Variants in PTPRG observed in about 807,000 individuals in gnomAD.
PTPRG encodes the protein protein tyrosine phosphatase receptor type G, also known as receptor-type tyrosine-protein phosphatase gamma.
A neutral mutation model predicts 165.3 loss-of-function variants in PTPRG; 102 were observed. That is an observed-to-expected ratio of 0.62 (90% CI 0.53 to 0.73). The LOEUF (loss-of-function observed/expected upper bound fraction) is 0.73. Among genes scored for constraint, PTPRG ranks in the 30% least tolerant of loss-of-function variants. The probability of loss-of-function intolerance (pLI) is 0.00; values close to 1 mark genes in which losing one functional copy is unlikely to be tolerated. For missense variants in PTPRG, 1,866 were observed against 1,861.4 expected (o/e 1.00, Z -0.05); for synonymous variants, 675 against 669.5 (o/e 1.01, Z -0.13).
intron 2 of PTPRG, among the ~76,000 whole-genome samples, chr3:61,768,276 G>A (rs1453230681): frequency 6.6e-6 from 1 of 151,896 alleles, no homozygotes; most frequent in Non-Finnish European, 1.5e-5. Context: ...TTTTTGGTAG[G>A]GATATTTACT....
At chr3:61,684,925 C>T (rs1278639221) in intron 1 of PTPRG, among the ~76,000 whole-genome samples, 5 of 152,242 alleles carry the variant, frequency 3.3e-5, no homozygotes, top group Middle Eastern at 3.4e-3. Context: ...TGAATCCCTT[C>T]CCTGCCATTG....
At chr3:61,830,518 C>T (rs897938173) in intron 2 of PTPRG, among the ~76,000 whole-genome samples, 27 of 147,478 alleles carry the variant, frequency 1.8e-4, no homozygotes, top group African/African-American at 6.7e-4. Context: ...ATCTTTGAAT[C>T]TTCGACTTAC....
At chr3:62,124,075 TC>T in intron 5 of PTPRG, 1 of 521,348 alleles carries the variant, frequency 1.9e-6, no homozygotes, top group Admixed American at 3.3e-5. Context: ...CTTTTTTTTT[TC>T]TTTTTAAAAA....
chr3:61,949,130 T>C (rs1479399), intron 2 of PTPRG, among the ~76,000 whole-genome samples: 51,896 of 150,910 alleles, frequency 0.34, 10,120 homozygotes, highest in African/African-American at 0.52. Context: ...CTGGTTTTCG[T>C]CACCAAGGGA....
At chr3:61,946,074 A>T (rs1336197523) in intron 2 of PTPRG, among the ~76,000 whole-genome samples, 1 of 152,176 alleles carries the variant, frequency 6.6e-6, no homozygotes, top group Non-Finnish European at 1.5e-5. Flanking sequence ...TGACTTATTG[A>T]TACAGTTACT....
At chr3:61,757,581 A>C (rs185862629) in intron 2 of PTPRG, among the ~76,000 whole-genome samples, 1 of 152,322 alleles carries the variant, frequency 6.6e-6, no homozygotes, top group Admixed American at 6.5e-5. Flanking sequence ...TAATGAACTG[A>C]TATTGACTTA....
intron 2 of PTPRG, among the ~76,000 whole-genome samples, chr3:61,885,664 CTCCT>C (rs1559669059): frequency 1.8e-4 from 7 of 37,852 alleles, no homozygotes; most frequent in Admixed American, 3.3e-4. Flanking sequence ...CTTCTCTCCT[CTCCT>C]CTCCTCTCCT....
intron 2 of PTPRG, among the ~76,000 whole-genome samples, chr3:61,833,067 TTGTGTGTGTGTGTG>T (rs113069211): frequency 1.4e-5 from 2 of 146,792 alleles, no homozygotes; most frequent in Non-Finnish European, 3.0e-5. Flanking sequence ...TAGTATTCCA[TTGTGTGTGTGTGTG>T]TGTGTGTGTG....
intron 2 of PTPRG, among the ~76,000 whole-genome samples, chr3:61,865,134 A>G (rs575276465): frequency 5.9e-5 from 9 of 152,224 alleles, no homozygotes; most frequent in African/African-American, 2.2e-4. Context: ...CCAGGAGCAA[A>G]CTGGGGAGTT....
chr3:61,682,306 C>A (rs1458999875), intron 1 of PTPRG, among the ~76,000 whole-genome samples: 1 of 152,036 alleles, frequency 6.6e-6, no homozygotes, highest in Non-Finnish European at 1.5e-5. Context: ...ATGTCTTTGT[C>A]TTAAGAAATT....
At chr3:61,677,130 A>C (rs1276250276) in intron 1 of PTPRG, among the ~76,000 whole-genome samples, 1 of 151,946 alleles carries the variant, frequency 6.6e-6, no homozygotes, top group Non-Finnish European at 1.5e-5. Flanking sequence ...CTGTAGTCCC[A>C]GCTACTCGAG....
intron 1 of PTPRG, among the ~76,000 whole-genome samples, chr3:61,708,130 G>A (rs914535351): frequency 7.3e-5 from 11 of 151,678 alleles, no homozygotes; most frequent in African/African-American, 1.9e-4. Flanking sequence ...TCCCCGGAAC[G>A]CTGTGTCACT....
Position 62,022,769 on chromosome 3 carries a change from C to T in PTPRG, c.519+19272C>T, listed in dbSNP as rs540508324. ...CTCACAACAGCTTAAGATAACAAACCTACTGCCCCTTGCATTTCAAAGGTA... is the reference window on the plus strand; with the variant it reads ...CTCACAACAGCTTAAGATAACAAACTTACTGCCCCTTGCATTTCAAAGGTA... On this transcript the variant is annotated intron_variant, in intron 4 of 29. Coordinates refer to ENST00000474889, the MANE Select transcript of PTPRG (RefSeq NM_002841.4). Among the ~76,000 whole-genome samples the T allele has an allele frequency of 2.0e-5, 3 of 152,236 alleles. No homozygotes were observed. The East Asian group carries it at 5.8e-4, about 29-fold the overall frequency.
At chr3:62,098,254 A>T (rs1217038166) in intron 5 of PTPRG, among the ~76,000 whole-genome samples, 1 of 152,210 alleles carries the variant, frequency 6.6e-6, no homozygotes, top group East Asian at 1.9e-4. Context: ...TTTGAAAAAA[A>T]ATAAAAAAAA....
chr3:62,104,294 T>A (rs1016533884), intron 5 of PTPRG, among the ~76,000 whole-genome samples: 5 of 152,202 alleles, frequency 3.3e-5, no homozygotes, highest in African/African-American at 1.2e-4. Context: ...TGGCCTTCCA[T>A]CTCATACTCC....
chr3:62,093,872 C>CT (rs1702024568), intron 5 of PTPRG, among the ~76,000 whole-genome samples: 1 of 152,152 alleles, frequency 6.6e-6, no homozygotes, highest in Non-Finnish European at 1.5e-5. Context: ...AGAAAGACAG[C>CT]TTTTTTTCCA....
intron 1 of PTPRG, among the ~76,000 whole-genome samples, chr3:61,595,100 T>C (rs1700665929): frequency 1.4e-5 from 2 of 144,584 alleles, no homozygotes; most frequent in African/African-American, 5.8e-5. Flanking sequence ...CTTTGGTTTC[T>C]GTCTGGACAT....
chr3:62,056,151 T>C (rs1050374894), intron 4 of PTPRG, among the ~76,000 whole-genome samples: 4 of 152,186 alleles, frequency 2.6e-5, no homozygotes, highest in African/African-American at 9.6e-5. Flanking sequence ...TAGGCAAATA[T>C]CAGGATATGA....
At chr3:61,706,013 A>G (rs1046358625) in intron 1 of PTPRG, among the ~76,000 whole-genome samples, 3 of 152,202 alleles carry the variant, frequency 2.0e-5, no homozygotes, top group African/African-American at 7.2e-5. Flanking sequence ...GTTATGTTGT[A>G]TAAAGAGCAA....
Sources: gnomAD v4.1 joint callset for allele counts (sites outside exome capture counted in the v4.1 genomes callset) on GRCh38, gnomAD v4.1.1 for gene constraint, MANE v1.5 for transcripts, NCBI Gene and HGNC (gene_info 2026-07-23, HGNC 2026-07-21) for gene names.